Variants in UGT1A6 observed in about 807,000 individuals in gnomAD.
UGT1A6 encodes UDP-glucuronosyltransferase 1A6.
UGT1A6 carries 32 observed loss-of-function variants against 44.4 expected under a neutral mutation model. The observed-to-expected ratio is 0.72, with a 90% confidence interval of 0.54 to 0.97. The LOEUF is 0.97. Ranked by LOEUF, UGT1A6 falls within the 50% of genes least tolerant of loss-of-function variation. UGT1A6 has a pLI of 0.00. For synonymous variants in UGT1A6, 238 were observed against 248.5 expected (o/e 0.96, Z 0.40); for missense variants, 685 against 661.9 (o/e 1.03, Z -0.38).
chr2:233,758,064 T>C (rs941779241), intron 1 of UGT1A6, among the ~76,000 whole-genome samples: 1 of 152,184 alleles, frequency 6.6e-6, no homozygotes, highest in African/African-American at 2.4e-5. Context: ...CTAACTTGAC[T>C]TTCTGGGCCT....
At chr2:233,758,898 T>G (rs1462729445) in intron 1 of UGT1A6, among the ~76,000 whole-genome samples, 1 of 152,186 alleles carries the variant, frequency 6.6e-6, no homozygotes, top group Non-Finnish European at 1.5e-5. Context: ...AAATACAAAT[T>G]TGAGTTGTTT....
intron 1 of UGT1A6, among the ~76,000 whole-genome samples, chr2:233,751,504 G>A (rs879429871): frequency 1.3e-5 from 2 of 152,170 alleles, no homozygotes; most frequent in Non-Finnish European, 2.9e-5. Flanking sequence ...ATTTGGGAGG[G>A]GCCAGAGGGC....
chr2:233,693,717 A>G lies in UGT1A6; in HGVS notation c.713A>G (p.Lys238Arg), dbSNP rs749822661. ...KYEELASAVL[K>R]RDVDIITLYQ... is the part of the protein sequence containing the mutation. Reference sequence around the variant, plus strand: ...GAAGAACTCGCATCAGCTGTCCTCAAGAGAGATGTGGATATAATCACCTTA... The same window carrying G: ...GAAGAACTCGCATCAGCTGTCCTCAGGAGAGATGTGGATATAATCACCTTA... The change falls in exon 1 of 5, where the codon AAG becomes AGG. Residue 238 changes from lysine to arginine, a missense_variant. Physicochemically the swap from Lys to Arg is conservative, Grantham distance 26. Transcript: ENST00000305139. 1.5e-5 allele frequency: 25 copies of G among 1,614,098 alleles called. No homozygotes were observed. Among genetic ancestry groups the G allele is most frequent in the Non-Finnish European group, 2.0e-5 (24 of 1,180,042 alleles).
chr2:233,768,119 T>G, intron 3 of UGT1A6, 101 bp from the exon 4 acceptor site: 4 of 1,600,008 alleles, frequency 2.5e-6, no homozygotes, highest in Non-Finnish European at 3.4e-6. Flanking sequence ...CAAGGGCATG[T>G]GAGTAACACT....
At chr2:233,743,092 C>A (rs1287220574) in intron 1 of UGT1A6, 2 of 346,770 alleles carry the variant, frequency 5.8e-6, no homozygotes, top group African/African-American at 2.2e-5. Flanking sequence ...TTTATAAATT[C>A]TTGGGTACAG....
At chr2:233,729,691 A>G (rs761191770) in intron 1 of UGT1A6, 3 of 1,613,862 alleles carry the variant, frequency 1.9e-6, no homozygotes, top group South Asian at 1.1e-5. Context: ...ACAGTGTCCA[A>G]ACCCTTCCTC....
chr2:233,713,183 G>A (rs2076288608), intron 1 of UGT1A6: 12 of 1,614,100 alleles, frequency 7.4e-6, no homozygotes, highest in Non-Finnish European at 1.0e-5. Flanking sequence ...TCACCCTGGA[G>A]GTGAATATGT....
chr2:233,765,357 A>T (rs1425075140), intron 1 of UGT1A6, among the ~76,000 whole-genome samples: 2 of 152,244 alleles, frequency 1.3e-5, no homozygotes, highest in Non-Finnish European at 2.9e-5. Context: ...GAACCAACCC[A>T]GATGCCCATC....
At chr2:233,695,637 T>A (rs2075300898) in intron 1 of UGT1A6, among the ~76,000 whole-genome samples, 1 of 152,092 alleles carries the variant, frequency 6.6e-6, no homozygotes, top group African/African-American at 2.4e-5. Flanking sequence ...TGAGACCCAC[T>A]TTTTTAGCTC....
rs1575449694 is a variant in UGT1A6, at chr2:233,693,484, T to C, written c.480T>C (p.Ala160=). 6.2e-7 allele frequency: 1 copy of C among 1,614,198 alleles called. No individual in the cohort carries two copies. The highest frequency in any genetic ancestry group is 2.2e-5 in the East Asian group (1 of 44,882). Residue 160 remains alanine, a synonymous_variant, in exon 1 of 5, where the codon GCT becomes GCC. Transcript: ENST00000305139. ...CCTTACCCTGTGGGGTGATCCTGGCTGAGTATTTGGGCCTACCATCTGTGT... is the reference window on the plus strand; with the variant it reads ...CCTTACCCTGTGGGGTGATCCTGGCCGAGTATTTGGGCCTACCATCTGTGT... ...DPALPCGVIL[A]EYLGLPSVYL...
In UGT1A6 at chr2:233,719,346, A is replaced by T. The variant is rs45540231; in HGVS notation, c.861+25481A>T. 3.4e-3 allele frequency: 5,483 copies of T among 1,613,810 alleles called. 158 individuals are homozygous for T. The African/African-American group carries it at 0.064, about 19-fold the overall frequency. On this transcript the variant is annotated intron_variant, in intron 1 of 4. Transcript: ENST00000305139. ...TCCTGCTGTGTTTTTTTGGAGGTAC[A>T]TTCCATGTGACTTAGACTTTAAGGG...
At chr2:233,721,350 A>C (rs2076940105) in intron 1 of UGT1A6, among the ~76,000 whole-genome samples, 1 of 152,142 alleles carries the variant, frequency 6.6e-6, no homozygotes, top group Non-Finnish European at 1.5e-5. Context: ...TATATTCTTT[A>C]GACTGAACTG....
intron 1 of UGT1A6, chr2:233,761,144 T>A: frequency 6.2e-7 from 1 of 1,614,254 alleles, no homozygotes; most frequent in Non-Finnish European, 8.5e-7. Flanking sequence ...CAAAATCCAC[T>A]ATCCCAGGTG....
chr2:233,757,956 G>C (rs1696761467), intron 1 of UGT1A6, among the ~76,000 whole-genome samples: 1 of 152,144 alleles, frequency 6.6e-6, no homozygotes, highest in Admixed American at 6.5e-5. Flanking sequence ...CTGCCCTGCT[G>C]TGTGATTTCT....
chr2:233,755,079 A>C, intron 1 of UGT1A6: 1 of 1,336,770 alleles, frequency 7.5e-7, no homozygotes, highest in Non-Finnish European at 1.0e-6. Flanking sequence ...GCGGTCATAG[A>C]TATCGCGTTT....
chr2:233,746,760 G>A (rs1693469059), intron 1 of UGT1A6, among the ~76,000 whole-genome samples: 1 of 151,816 alleles, frequency 6.6e-6, no homozygotes, highest in South Asian at 2.1e-4. Context: ...AGATTAATTG[G>A]ATTGCTTAGT....
chr2:233,757,562 G>GATATATATA (rs1696648748), intron 1 of UGT1A6, among the ~76,000 whole-genome samples: 1 of 90,870 alleles, frequency 1.1e-5, no homozygotes, highest in African/African-American at 5.1e-5. Context: ...ATATATATAT[G>GATATATATA]TATATATGAT....
At chr2:233,699,906 G>A (rs1227572101) in intron 1 of UGT1A6, among the ~76,000 whole-genome samples, 2 of 152,172 alleles carry the variant, frequency 1.3e-5, no homozygotes, top group African/African-American at 4.8e-5. Context: ...ATAGTCAGTA[G>A]GATATACGTA....
At chr2:233,737,384 T>C (rs375300244) in intron 1 of UGT1A6, among the ~76,000 whole-genome samples, 6 of 152,362 alleles carry the variant, frequency 3.9e-5, no homozygotes, top group African/African-American at 1.4e-4. Context: ...GAGAATCTCC[T>C]TGTCTGCCAG....
Sources: allele counts gnomAD v4.1 joint callset (sites outside exome capture counted in the v4.1 genomes callset), GRCh38; gene constraint gnomAD v4.1.1; transcripts MANE v1.5; gene names NCBI Gene and HGNC (gene_info 2026-07-23, HGNC 2026-07-21).